Variants in RUNDC3B observed in about 807,000 individuals in gnomAD.
The protein encoded by RUNDC3B is RUN domain-containing protein 3B.
A neutral mutation model predicts 58.4 loss-of-function variants in RUNDC3B; 33 were observed. The observed-to-expected ratio is 0.56, with a 90% CI of 0.43 to 0.75. RUNDC3B has a LOEUF of 0.75. RUNDC3B is among the 30% of genes least tolerant of loss of function. The pLI, the probability that RUNDC3B is intolerant of heterozygous loss-of-function variation, is 0.00. For missense variants in RUNDC3B, 501 were observed against 535.7 expected (o/e 0.94, Z 0.64); for synonymous variants, 193 against 195.2 (o/e 0.99, Z 0.10).
At chr7:87,726,616 C>T (rs1482627345) in intron 4 of RUNDC3B, among the ~76,000 whole-genome samples, 17 of 151,960 alleles carry the variant, frequency 1.1e-4, no homozygotes, top group Admixed American at 1.1e-3. Flanking sequence ...TAGTTTTTTC[C>T]AATTCTGTGA....
chr7:87,665,398 C>A (rs1825123426), intron 2 of RUNDC3B, among the ~76,000 whole-genome samples: 1 of 152,078 alleles, frequency 6.6e-6, no homozygotes, highest in African/African-American at 2.4e-5. Context: ...AACCTCTGTA[C>A]ACTGAAAGTT....
chr7:87,730,690 G>C (rs1184180551), intron 4 of RUNDC3B, among the ~76,000 whole-genome samples: 1 of 151,372 alleles, frequency 6.6e-6, no homozygotes, highest in African/African-American at 2.4e-5. Context: ...TCTGCTGATT[G>C]TAGAGCCCTT....
At chr7:87,791,858 C>T (rs1186355149) in intron 8 of RUNDC3B, among the ~76,000 whole-genome samples, 1 of 151,988 alleles carries the variant, frequency 6.6e-6, no homozygotes, top group Non-Finnish European at 1.5e-5. Context: ...GGAGTAATCC[C>T]CTTCTTATAG....
chr7:87,798,191 A>G (rs1835913861), intron 8 of RUNDC3B, among the ~76,000 whole-genome samples: 1 of 152,144 alleles, frequency 6.6e-6, no homozygotes, highest in Non-Finnish European at 1.5e-5. Flanking sequence ...TGTTGTTAAA[A>G]TCCAGATTTA....
At chr7:87,642,163 AATAT>A (rs1446627439) in intron 1 of RUNDC3B, among the ~76,000 whole-genome samples, 1 of 151,858 alleles carries the variant, frequency 6.6e-6, no homozygotes, top group Non-Finnish European at 1.5e-5. Flanking sequence ...TTCAAACCCA[AATAT>A]ATCTGGTTTC....
At chr7:87,694,001 G>T in intron 2 of RUNDC3B, 1 of 1,606,458 alleles carries the variant, frequency 6.2e-7, no homozygotes, top group South Asian at 1.1e-5. Context: ...AGCTGCACGG[G>T]AGCATGGAAT....
intron 10 of RUNDC3B, among the ~76,000 whole-genome samples, chr7:87,818,806 C>G (rs769778071): frequency 1.3e-5 from 2 of 152,090 alleles, no homozygotes; most frequent in Non-Finnish European, 2.9e-5. Context: ...ATAAAGTCAA[C>G]CCTAAGTGTG....
chr7:87,830,660 CTTAAT>C lies in RUNDC3B; in HGVS notation c.*633_*637del, dbSNP rs1034384241. The C allele has an allele frequency of 1.3e-5, 2 of 151,628 alleles. No individual in the cohort carries two copies. The highest frequency in any genetic ancestry group is 2.9e-5 in the Non-Finnish European group (2 of 67,828). 9.4% of individuals were successfully genotyped at this position (151,628 alleles called of 1,614,324 possible). A position where few individuals can be genotyped will look rare whatever the true frequency, so the allele number is the denominator to read the frequency against. On this transcript the variant is annotated 3_prime_UTR_variant, in exon 11 of 11. Coordinates refer to ENST00000394654, the MANE Select transcript of RUNDC3B (RefSeq NM_001134405.2). Reference sequence around the variant, plus strand: ...ACATGCCTGTTTTGGTAGTTACTGACTTAATTTGTTAGTGCCACAAGGAAAATATT... The same window carrying C: ...ACATGCCTGTTTTGGTAGTTACTGACTTGTTAGTGCCACAAGGAAAATATT...
chr7:87,814,043 G>T (rs571277081), intron 9 of RUNDC3B, among the ~76,000 whole-genome samples: 7 of 149,532 alleles, frequency 4.7e-5, no homozygotes, highest in African/African-American at 1.7e-4. Context: ...ATTAAATATA[G>T]TTTACATGAT....
chr7:87,736,879 ATATATATATATTTTTTTTTTTTT>A (rs1395112678), intron 4 of RUNDC3B, among the ~76,000 whole-genome samples: 3 of 35,774 alleles, frequency 8.4e-5, no homozygotes, highest in African/African-American at 4.1e-4. Flanking sequence ...ATATATATAT[ATATATATATATTTTTTTTTTTTT>A]TTTTTTTTTT....
chr7:87,817,711 C>T (rs1358676747), intron 10 of RUNDC3B, among the ~76,000 whole-genome samples: 1 of 152,160 alleles, frequency 6.6e-6, no homozygotes, highest in Non-Finnish European at 1.5e-5. Context: ...GTTCCCAGCC[C>T]ATGCCAGGCA....
intron 10 of RUNDC3B, among the ~76,000 whole-genome samples, chr7:87,829,197 T>C (rs1244092696): frequency 3.9e-5 from 6 of 152,218 alleles, no homozygotes; most frequent in African/African-American, 1.4e-4. Context: ...AAGTTCCTTA[T>C]AGATTCTGGA....
At chr7:87,697,371 A>G (rs777268574) in intron 2 of RUNDC3B, among the ~76,000 whole-genome samples, 1 of 152,122 alleles carries the variant, frequency 6.6e-6, no homozygotes, top group Admixed American at 6.6e-5. Flanking sequence ...GTAGTACTTC[A>G]TTTCTTGAGG....
chr7:87,628,808 C>CG lies in RUNDC3B; in HGVS notation c.-11dup. The CG allele has an allele frequency of 8.1e-7, 1 of 1,230,302 alleles. No homozygotes were observed. Among genetic ancestry groups the CG allele is most frequent in the Non-Finnish European group, 1.0e-6 (1 of 972,250 alleles). The allele number at this position is 1,230,302 out of a possible 1,614,324, so 76.2% of individuals were successfully genotyped here. On this transcript the variant is annotated 5_prime_UTR_variant, in exon 1 of 11. Coordinates refer to ENST00000394654, the MANE Select transcript of RUNDC3B (RefSeq NM_001134405.2). ...GGGGTGGCACGAGACAAAAGGGGCA[C>CG]GGGGGTAAGCCCGCCATGGCCTCCC... is the stretch of plus-strand genomic sequence containing the variant.
chr7:87,815,418 T>A (rs1836973957), intron 9 of RUNDC3B, among the ~76,000 whole-genome samples: 1 of 152,110 alleles, frequency 6.6e-6, no homozygotes. Flanking sequence ...ACACCAAAGC[T>A]GCAATTATCT....
intron 6 of RUNDC3B, among the ~76,000 whole-genome samples, chr7:87,769,272 A>G (rs1834142755): frequency 6.6e-6 from 1 of 152,074 alleles, no homozygotes; most frequent in Non-Finnish European, 1.5e-5. Flanking sequence ...TGGCCTCCCA[A>G]AGGGCTGGTA....
intron 1 of RUNDC3B, among the ~76,000 whole-genome samples, chr7:87,633,380 T>C (rs1821417971): frequency 6.6e-6 from 1 of 152,192 alleles, no homozygotes; most frequent in Non-Finnish European, 1.5e-5. Flanking sequence ...TAATCCTTAT[T>C]GATGACTTTA....
intron 9 of RUNDC3B, among the ~76,000 whole-genome samples, chr7:87,810,901 C>G (rs1484464268): frequency 6.6e-6 from 1 of 152,016 alleles, no homozygotes; most frequent in Non-Finnish European, 1.5e-5. Context: ...ACTTTAAAAG[C>G]CTGTCATGCT....
At chr7:87,805,263 CTT>C (rs1836376709) in intron 8 of RUNDC3B, among the ~76,000 whole-genome samples, 1 of 151,748 alleles carries the variant, frequency 6.6e-6, no homozygotes, top group South Asian at 2.1e-4. Context: ...CTCAACTTAA[CTT>C]AATTCACTTG....
Sources: gnomAD v4.1 joint callset for allele counts (sites outside exome capture counted in the v4.1 genomes callset) on GRCh38, gnomAD v4.1.1 for gene constraint, MANE v1.5 for transcripts, NCBI Gene and HGNC (gene_info 2026-07-23, HGNC 2026-07-21) for gene names.